DSCAM: variants seen among roughly 807,000 people sequenced by gnomAD.
DSCAM encodes the protein DS cell adhesion molecule.
A neutral mutation model predicts 217.7 loss-of-function variants in DSCAM; 47 were observed. That is an observed-to-expected ratio of 0.22 (90% confidence interval 0.17 to 0.28). DSCAM has a LOEUF of 0.28. DSCAM is among the 10% of genes least tolerant of loss of function. The pLI, the probability that DSCAM is intolerant of heterozygous loss-of-function variation, is 1.00. For synonymous variants in DSCAM, 1,056 were observed against 1,015.3 expected (o/e 1.04, Z -0.76); for missense variants, 2,080 against 2,618.3 (o/e 0.79, Z 4.49).
At chr21:40,815,804 A>G (rs147537619) in intron 1 of DSCAM, among the ~76,000 whole-genome samples, 73 of 152,304 alleles carry the variant, frequency 4.8e-4, no homozygotes, top group African/African-American at 1.7e-3. Flanking sequence ...ACCTTCAGCA[A>G]TGTTCTCAAC....
intron 7 of DSCAM, 139 bp from the exon 8 acceptor site, chr21:40,338,515 C>A: frequency 1.1e-6 from 1 of 937,198 alleles, no homozygotes; most frequent in Non-Finnish European, 1.5e-6. Context: ...AATATTTTTG[C>A]ATGTGGCATT....
In DSCAM at chr21:40,133,843, C is replaced by T. The variant is rs377664287; in HGVS notation, c.3562+11G>A. 1.3e-6 allele frequency: 2 copies of T among 1,591,782 alleles called. No homozygotes were observed. Among genetic ancestry groups the T allele is most frequent in the Non-Finnish European group, 1.7e-6 (2 of 1,168,806 alleles). On this transcript the variant is annotated intron_variant, in intron 19 of 32. Transcript: ENST00000400454. ...GCAACTGCTGGGACCCACCGCCCAC[C>T]CGTCTCTCACCATCCTCTTTGGTCC...
intron 10 of DSCAM, among the ~76,000 whole-genome samples, chr21:40,279,503 A>G (rs1320364607): frequency 6.6e-6 from 1 of 152,238 alleles, no homozygotes; most frequent in Admixed American, 6.5e-5. Context: ...GTGGAGAAAT[A>G]GGAAGGCTTT....
At chr21:40,393,507 TA>T (rs1410686371) in intron 3 of DSCAM, among the ~76,000 whole-genome samples, 7 of 152,326 alleles carry the variant, frequency 4.6e-5, no homozygotes, top group African/African-American at 1.2e-4. Flanking sequence ...AAATCCATAT[TA>T]TCATTTTATA....
intron 8 of DSCAM, among the ~76,000 whole-genome samples, chr21:40,325,902 C>T (rs2074312051): frequency 6.6e-6 from 1 of 151,966 alleles, no homozygotes; most frequent in Non-Finnish European, 1.5e-5. Context: ...ACTACTGGCC[C>T]TCTAGTAATA....
At chr21:40,707,365 C>T (rs988443915) in intron 2 of DSCAM, among the ~76,000 whole-genome samples, 1 of 152,088 alleles carries the variant, frequency 6.6e-6, no homozygotes, top group African/African-American at 2.4e-5. Context: ...AAAGACAATC[C>T]TTTTTTTCTT....
intron 1 of DSCAM, among the ~76,000 whole-genome samples, chr21:40,757,272 G>A (rs1022241158): frequency 2.6e-5 from 4 of 151,842 alleles, no homozygotes; most frequent in Admixed American, 6.6e-5. Flanking sequence ...TGATCCACCC[G>A]TCTCGGCCTC....
At chr21:40,042,323 A>G (rs2088765426) in intron 32 of DSCAM, 48 bp downstream of exon 32, 1 of 1,582,854 alleles carries the variant, frequency 6.3e-7, no homozygotes, top group African/African-American at 1.3e-5. Context: ...AGGACCAGGA[A>G]GGTGCACTTC....
intron 1 of DSCAM, among the ~76,000 whole-genome samples, chr21:40,710,531 C>T (rs113011917): frequency 2.0e-5 from 3 of 152,262 alleles, no homozygotes; most frequent in African/African-American, 7.2e-5. Flanking sequence ...TCAGTGAATG[C>T]ACAATTTATA....
intron 11 of DSCAM, among the ~76,000 whole-genome samples, chr21:40,266,801 C>CAT (rs3069878): frequency 6.3e-4 from 68 of 108,692 alleles, no homozygotes; most frequent in African/African-American, 1.5e-3. Context: ...TATATATATA[C>CAT]ACACACACAC....
At chr21:40,350,103 A>G (rs1455001429) in intron 5 of DSCAM, among the ~76,000 whole-genome samples, 1 of 152,112 alleles carries the variant, frequency 6.6e-6, no homozygotes, top group Non-Finnish European at 1.5e-5. Context: ...CGCTGAACCT[A>G]CAGGTTTGTT....
At chr21:40,517,029 G>A (rs2076306214) in intron 3 of DSCAM, among the ~76,000 whole-genome samples, 1 of 139,936 alleles carries the variant, frequency 7.1e-6, no homozygotes, top group Non-Finnish European at 1.5e-5. Flanking sequence ...ACTAACATAT[G>A]TATATATATA....
chr21:40,273,881 C>G (rs1036195324), intron 11 of DSCAM, among the ~76,000 whole-genome samples: 2 of 152,148 alleles, frequency 1.3e-5, no homozygotes, highest in East Asian at 1.9e-4. Context: ...CTGAGGGCTC[C>G]CCCTTTGTGA....
intron 3 of DSCAM, chr21:40,618,416 T>C (rs1388313042): frequency 9.9e-5 from 15 of 152,182 alleles, no homozygotes; most frequent in African/African-American, 3.6e-4. Flanking sequence ...TCTCTAGCGC[T>C]GCATGGCAGC....
At chr21:40,654,397 C>T (rs1252654364) in intron 3 of DSCAM, among the ~76,000 whole-genome samples, 1 of 152,136 alleles carries the variant, frequency 6.6e-6, no homozygotes, top group Non-Finnish European at 1.5e-5. Flanking sequence ...CAGCACATGG[C>T]ACATGTGAAG....
Position 40,817,630 on chromosome 21 carries a change from G to A in DSCAM, c.43+28989C>T, listed in dbSNP as rs1022038529. 8.0e-4 allele frequency among the ~76,000 whole-genome samples: 122 copies of A among 152,214 alleles called. 1 individual carries two copies. The highest frequency in any genetic ancestry group is 2.7e-3 in the African/African-American group (111 of 41,536). On this transcript the variant is annotated intron_variant, in intron 1 of 32. Transcript: ENST00000400454. Reference sequence around the variant, plus strand: ...TGCATAATAATTAGGCCTGCTCCCCGCCACCCCGTCTCCCAAGACTTAAAA... The same window carrying A: ...TGCATAATAATTAGGCCTGCTCCCCACCACCCCGTCTCCCAAGACTTAAAA...
chr21:40,497,446 T>A (rs1459397220), intron 3 of DSCAM, among the ~76,000 whole-genome samples: 1 of 137,160 alleles, frequency 7.3e-6, no homozygotes, highest in African/African-American at 2.7e-5. Context: ...GTGAGTAGAA[T>A]GGTGGTTTCC....
intron 3 of DSCAM, among the ~76,000 whole-genome samples, chr21:40,680,021 A>G (rs932263259): frequency 2.6e-5 from 4 of 152,166 alleles, no homozygotes; most frequent in Non-Finnish European, 5.9e-5. Context: ...TAATAATAAG[A>G]AGAAGAAGGA....
At chr21:40,163,000 T>A (rs2090556198) in intron 16 of DSCAM, among the ~76,000 whole-genome samples, 1 of 152,060 alleles carries the variant, frequency 6.6e-6, no homozygotes, top group Non-Finnish European at 1.5e-5. Context: ...TCTGGATAAA[T>A]GTTTTGAGAT....
Sources: allele counts gnomAD v4.1 joint callset (sites outside exome capture counted in the v4.1 genomes callset), GRCh38; gene constraint gnomAD v4.1.1; transcripts MANE v1.5; gene names NCBI Gene and HGNC (gene_info 2026-07-23, HGNC 2026-07-21).